SLC9A9: variants seen among roughly 807,000 people sequenced by gnomAD.
SLC9A9 encodes the protein sodium/hydrogen exchanger 9.
Under a neutral mutation model 77.8 loss-of-function variants are expected in SLC9A9, and 62 were observed. The ratio of observed to expected loss-of-function variants is 0.80; its 90% confidence interval spans 0.65 to 0.98. The LOEUF is 0.98. Among genes scored for constraint, SLC9A9 ranks in the 50% least tolerant of loss-of-function variants. The pLI, the probability that SLC9A9 is intolerant of heterozygous loss-of-function variation, is 0.00. For missense variants in SLC9A9, 775 were observed against 774.9 expected (o/e 1.00, Z 0.00); for synonymous variants, 320 against 283.5 (o/e 1.13, Z -1.29).
chr3:143,499,892 T>C (rs2035899222), intron 9 of SLC9A9, among the ~76,000 whole-genome samples: 1 of 152,244 alleles, frequency 6.6e-6, no homozygotes, highest in Non-Finnish European at 1.5e-5. Context: ...GATTTTCGAA[T>C]GCTAAAACAG....
At chr3:143,292,716 T>C (rs2030067775) in intron 14 of SLC9A9, among the ~76,000 whole-genome samples, 1 of 152,122 alleles carries the variant, frequency 6.6e-6, no homozygotes, top group Admixed American at 6.5e-5. Context: ...TATTATACTC[T>C]CTAAGATGGG....
intron 9 of SLC9A9, among the ~76,000 whole-genome samples, chr3:143,510,030 A>G (rs1398768391): frequency 6.6e-6 from 1 of 152,188 alleles, no homozygotes; most frequent in Non-Finnish European, 1.5e-5. Flanking sequence ...GTCTACTTTA[A>G]ATTGATATTT....
intron 8 of SLC9A9, among the ~76,000 whole-genome samples, chr3:143,556,749 T>C (rs956491106): frequency 6.6e-6 from 1 of 152,248 alleles, no homozygotes; most frequent in African/African-American, 2.4e-5. Context: ...CAGATCGTTT[T>C]CTTTTTTTCT....
intron 5 of SLC9A9, among the ~76,000 whole-genome samples, chr3:143,663,406 C>T (rs1382654669): frequency 6.6e-6 from 1 of 152,242 alleles, no homozygotes; most frequent in Non-Finnish European, 1.5e-5. Flanking sequence ...AGCACCTCTT[C>T]TCCTCCAAAG....
chr3:143,674,496 C>A (rs932382058), intron 5 of SLC9A9, among the ~76,000 whole-genome samples: 2 of 152,122 alleles, frequency 1.3e-5, no homozygotes, highest in Non-Finnish European at 2.9e-5. Flanking sequence ...ACGAGCAGTG[C>A]CAGCGCCCTG....
At chr3:143,377,630 A>G (rs887573500) in intron 13 of SLC9A9, among the ~76,000 whole-genome samples, 4 of 152,256 alleles carry the variant, frequency 2.6e-5, no homozygotes, top group Non-Finnish European at 5.9e-5. Context: ...ACCATTAAGT[A>G]ACAAGCATAG....
Position 143,532,988 on chromosome 3 carries a change from T to C in SLC9A9, c.1089+19374A>G, listed in dbSNP as rs547200232. ...TTTGTTATATAGCCCCAGAGAACCC[T>C]GTTACTCCCCTCAGAGAACTTAATC... On this transcript the variant is annotated intron_variant, in intron 9 of 15. Transcript: ENST00000316549. Among the ~76,000 whole-genome samples the C allele has an allele frequency of 8.5e-5, 13 of 152,320 alleles. No individual in the cohort carries two copies. In the South Asian group the frequency reaches 2.7e-3, roughly 32 times the overall value.
rs60766438 is a variant in SLC9A9, at chr3:143,419,258, G to A, written c.1470-37144C>T. On this transcript the variant is annotated intron_variant, in intron 12 of 15. Coordinates refer to ENST00000316549, the MANE Select transcript of SLC9A9 (RefSeq NM_173653.4). ...CCAGGCACCACTCTAAGCACCTCACGTAGAGAAACTCACTTATTTCTCACA... is the reference window on the plus strand; with the variant it reads ...CCAGGCACCACTCTAAGCACCTCACATAGAGAAACTCACTTATTTCTCACA... Among the ~76,000 whole-genome samples, 1,307 of 152,228 alleles carry A rather than the reference G, an allele frequency of 8.6e-3. 47 individuals carry two copies. The East Asian group carries it at 0.1, about 12-fold the overall frequency.
At position 143,266,721 on chromosome 3, in the gene SLC9A9, C is replaced by T; in HGVS notation, c.1919G>A (p.Gly640Asp). 3 of 1,614,108 alleles carry T rather than the reference C, an allele frequency of 1.9e-6. No homozygotes were observed. Among genetic ancestry groups the T allele is most frequent in the Non-Finnish European group, 2.5e-6 (3 of 1,180,030 alleles). Residue 640 changes from glycine (G) to aspartate (D), a missense_variant, in exon 16 of 16, where the codon GGT becomes GAT. Transcript: ENST00000316549. ...GYELKLEQTL[G>D]QSQLN ...TGCCAATTAATTCAACTGGGATTGA[C>T]CCAAAGTTTGCTCAAGCTTGAGTTC...
intron 4 of SLC9A9, among the ~76,000 whole-genome samples, chr3:143,754,512 T>C (rs2006858827): frequency 6.6e-6 from 1 of 152,164 alleles, no homozygotes; most frequent in Non-Finnish European, 1.5e-5. Flanking sequence ...AGACAATAAT[T>C]GGGGAATGTG....
At chr3:143,662,449 T>C (rs893215031) in intron 5 of SLC9A9, among the ~76,000 whole-genome samples, 36 of 152,178 alleles carry the variant, frequency 2.4e-4, no homozygotes, top group African/African-American at 7.5e-4. Context: ...TCACTGGGAC[T>C]TGTTGGACAG....
intron 14 of SLC9A9, among the ~76,000 whole-genome samples, chr3:143,293,243 A>G (rs73868714): frequency 2.2e-4 from 33 of 152,300 alleles, no homozygotes; most frequent in African/African-American, 7.7e-4. Flanking sequence ...GTTTTCAGTG[A>G]CTTTCAATGA....
At chr3:143,384,392 C>T (rs1576461850) in intron 12 of SLC9A9, among the ~76,000 whole-genome samples, 1 of 152,288 alleles carries the variant, frequency 6.6e-6, no homozygotes, top group South Asian at 2.1e-4. Flanking sequence ...AGGGATGAAG[C>T]TGCTGGGCAC....
chr3:143,736,143 A>C (rs1223038787), intron 4 of SLC9A9, among the ~76,000 whole-genome samples: 2 of 152,098 alleles, frequency 1.3e-5, no homozygotes, highest in African/African-American at 4.8e-5. Context: ...TTTAAAACCT[A>C]TGTGTCTCTC....
Position 143,807,665 on chromosome 3 carries a change from A to T in SLC9A9, c.379-10762T>A, listed in dbSNP as rs144663827. On this transcript the variant is annotated intron_variant, in intron 2 of 15. Transcript: ENST00000316549. The stretch of plus-strand genomic sequence containing the variant: ...GAGGCTGAGGCAGGAGAATCGCTTG[A>T]TCCTGGGAGGCGGAGGTTGCAGTAA... Among the ~76,000 whole-genome samples, 1,467 of 152,324 alleles carry T rather than the reference A, an allele frequency of 9.6e-3. 16 individuals are homozygous for T. The highest frequency in any genetic ancestry group is 0.029 in the South Asian group (141 of 4,828).
intron 14 of SLC9A9, among the ~76,000 whole-genome samples, chr3:143,281,386 G>T (rs563943999): frequency 3.0e-4 from 45 of 152,188 alleles, no homozygotes; most frequent in African/African-American, 1.1e-3. Flanking sequence ...AAAAAATGCT[G>T]GTTCTGAGTT....
intron 6 of SLC9A9, among the ~76,000 whole-genome samples, chr3:143,601,620 C>T (rs536629291): frequency 2.0e-5 from 3 of 152,180 alleles, no homozygotes; most frequent in African/African-American, 4.8e-5. Context: ...GGTATTAAAC[C>T]ACTTTCCAAA....
At chr3:143,626,133 T>C (rs1362975407) in intron 6 of SLC9A9, among the ~76,000 whole-genome samples, 2 of 152,146 alleles carry the variant, frequency 1.3e-5, no homozygotes, top group African/African-American at 4.8e-5. Flanking sequence ...CTGGAGAGGA[T>C]GTGGAGAAAT....
intron 12 of SLC9A9, among the ~76,000 whole-genome samples, chr3:143,463,387 G>A: frequency 6.6e-6 from 1 of 152,202 alleles, no homozygotes; most frequent in East Asian, 1.9e-4. Context: ...CTTATTATCT[G>A]GTGCCACTGC....
Sources: allele counts gnomAD v4.1 joint callset (sites outside exome capture counted in the v4.1 genomes callset), GRCh38; gene constraint gnomAD v4.1.1; transcripts MANE v1.5; gene names NCBI Gene and HGNC (gene_info 2026-07-23, HGNC 2026-07-21).